Variants in PDE6B observed in about 807,000 individuals in gnomAD.
PDE6B encodes the protein rod cGMP-specific 3',5'-cyclic phosphodiesterase subunit beta.
PDE6B carries 106 observed loss-of-function variants against 109.0 expected under a neutral mutation model. The observed-to-expected ratio is 0.97, with a 90% CI of 0.83 to 1.14. The LOEUF (loss-of-function observed/expected upper bound fraction) is 1.14. Among genes scored for constraint, PDE6B ranks in the 50% most tolerant of loss-of-function variants. The pLI is 0.00. For synonymous variants in PDE6B, 490 were observed against 471.3 expected, an observed-to-expected ratio of 1.04 and a Z score of -0.51; for missense variants, 1,193 against 1,155.6, an observed-to-expected ratio of 1.03 and a Z score of -0.47.
At chr4:653,609 G>A (rs1320482791) in intron 3 of PDE6B, 1 of 603,860 alleles carries the variant, frequency 1.7e-6, no homozygotes, top group Non-Finnish European at 2.9e-6. Flanking sequence ...CCACTCCTGA[G>A]TGATCAGGGA....
At chr4:627,878 C>A (rs1734193578) in intron 1 of PDE6B, among the ~76,000 whole-genome samples, 2 of 152,192 alleles carry the variant, frequency 1.3e-5, no homozygotes, top group South Asian at 4.2e-4. Context: ...CTGATGGTGT[C>A]TCTTCCCTGC....
At chr4:637,791 G>A (rs943712672) in intron 3 of PDE6B, among the ~76,000 whole-genome samples, 8 of 152,176 alleles carry the variant, frequency 5.3e-5, no homozygotes, top group Admixed American at 3.3e-4. Context: ...CATCGCGCTC[G>A]AGCTGACGTC....
rs1335536319 is a variant in PDE6B, at chr4:643,850, G to A, written c.711+7881G>A. 1.3e-5 allele frequency among the ~76,000 whole-genome samples: 2 copies of A among 148,664 alleles called. 1 individual carries two copies. Among genetic ancestry groups the A allele is most frequent in the African/African-American group, 5.0e-5 (2 of 39,884 alleles). On this transcript the variant is annotated intron_variant, in intron 3 of 21. Transcript: ENST00000496514. ...TTCAATACTATAAATTTCCCTCCAA[G>A]CACTGCTTTCCCTGCACCTGACAAA... is the stretch of plus-strand genomic sequence containing the variant.
chr4:657,057 A>G, intron 9 of PDE6B, 34 bp downstream of exon 9: 3 of 1,605,990 alleles, frequency 1.9e-6, no homozygotes, highest in Non-Finnish European at 2.6e-6. Context: ...TCCGCCGGGG[A>G]TGCCCTGCGA....
Position 658,944 on chromosome 4 carries a change from C to T in PDE6B, c.1402-8C>T. The stretch of plus-strand genomic sequence containing the variant: ...TCTTTCTCGTGACACATCTGTGTCT[C>T]TGTGTAGCCAACCAGAGCGCGCCTG... On this transcript the variant is annotated splice_region_variant and splice_polypyrimidine_tract_variant and intron_variant, in intron 10 of 21. Coordinates refer to ENST00000496514, the MANE Select transcript of PDE6B (RefSeq NM_000283.4). 2 of 1,608,504 alleles carry T rather than the reference C, an allele frequency of 1.2e-6. No individual in the cohort carries two copies. Among genetic ancestry groups the T allele is most frequent in the South Asian group, 2.2e-5 (2 of 90,990 alleles).
chr4:670,306 G>A lies in PDE6B; in HGVS notation c.*199G>A, dbSNP rs749756675. The A allele has an allele frequency of 6.0e-5, 41 of 678,022 alleles. No homozygotes were observed. The highest frequency in any genetic ancestry group is 1.4e-4 in the African/African-American group (7 of 51,214). 42.0% of individuals were successfully genotyped at this position (678,022 alleles called of 1,614,324 possible). On this transcript the variant is annotated 3_prime_UTR_variant, in exon 22 of 22. Transcript: ENST00000496514. ...CACCCAGGCTGGAGTGCCGTGGCACGATCTCAGCTCACTGCAACCTCCACC... is the reference window on the plus strand; with the variant it reads ...CACCCAGGCTGGAGTGCCGTGGCACAATCTCAGCTCACTGCAACCTCCACC...
intron 1 of PDE6B, among the ~76,000 whole-genome samples, chr4:630,049 G>T (rs1254797123): frequency 6.6e-6 from 1 of 152,102 alleles, no homozygotes; most frequent in African/African-American, 2.4e-5. Flanking sequence ...AGACCAGCAG[G>T]CAAGGACCCC....
In PDE6B at chr4:636,608, C is replaced by T. The variant is rs1393136548; in HGVS notation, c.711+639C>T. Among the ~76,000 whole-genome samples, 1 of 152,136 alleles carries T rather than the reference C, an allele frequency of 6.6e-6. No homozygotes were observed. Among genetic ancestry groups the T allele is most frequent in the South Asian group, 2.1e-4 (1 of 4,830 alleles). ...AGGCTCTATGTTGGGGCTGGGAAGC[C>T]GTCCATGCAATGGCCTGGGGGCTGA... On this transcript the variant is annotated intron_variant, in intron 3 of 21. Transcript: ENST00000496514. This position sits in a 1 kb window ranked among gnomAD's most constrained non-coding sequence, Gnocchi z 4.5.
rs764605140 is a variant in PDE6B at position 662,584 on chromosome 4, G to A, written c.1798G>A (p.Asp600Asn). ...MVTAGLCHDI[D>N]HRGTNNLYQM... is the part of the protein sequence containing the mutation. ...GACAGCCGGCCTGTGCCATGACATC[G>A]ACCACCGCGGCACCAACAACCTGTA... The change falls in exon 14 of 22, where the codon GAC (aspartate) becomes AAC (asparagine). Residue 600 changes from aspartate to asparagine, a missense_variant. By Grantham distance (23) the Asp-to-Asn change is conservative. Coordinates refer to ENST00000496514, the MANE Select transcript of PDE6B (RefSeq NM_000283.4). The surrounding 1 kb of genome is among the most constrained non-coding windows in gnomAD (Gnocchi z 4.3). The A allele has an allele frequency of 4.1e-5, 66 of 1,612,114 alleles. No homozygotes were observed. The highest frequency in any genetic ancestry group is 7.7e-5 in the South Asian group (7 of 91,058).
rs542348670 is a variant in PDE6B, at chr4:646,316, C to T, written c.712-7536C>T. 2.8e-4 allele frequency among the ~76,000 whole-genome samples: 42 copies of T among 151,996 alleles called. 1 individual carries two copies. Among genetic ancestry groups the T allele is most frequent in the Non-Finnish European group, 5.1e-4 (35 of 68,042 alleles). ...CAATACTTCACTCTCCTCTTGCTCG[C>T]ATCGTTTCTGATGAGATGTTTCCAA... On this transcript the variant is annotated intron_variant, in intron 3 of 21. Coordinates refer to ENST00000496514, the MANE Select transcript of PDE6B (RefSeq NM_000283.4).
In PDE6B at chr4:663,673, T is replaced by G; in HGVS notation, c.1921-97T>G. On this transcript the variant is annotated intron_variant, in intron 15 of 21. Coordinates refer to ENST00000496514, the MANE Select transcript of PDE6B (RefSeq NM_000283.4). This position sits in a 1 kb window ranked among gnomAD's most constrained non-coding sequence, Gnocchi z 4.0. Reference sequence around the variant, plus strand: ...CACCGAGGGCCCGAGGGCGGGGGCGTGAGAGGCACAGGCAGCCGAGGCGGA... The same window carrying G: ...CACCGAGGGCCCGAGGGCGGGGGCGGGAGAGGCACAGGCAGCCGAGGCGGA... The G allele has an allele frequency of 2.3e-6, 2 of 864,326 alleles. No individual in the cohort carries two copies. The highest frequency in any genetic ancestry group is 3.9e-6 in the Non-Finnish European group (2 of 515,934). 53.5% of individuals were successfully genotyped at this position (864,326 alleles called of 1,614,324 possible). A position where few individuals can be genotyped will look rare whatever the true frequency, so the allele number is the denominator to read the frequency against.
chr4:657,288 C>T, intron 9 of PDE6B, 63 bp from the exon 10 acceptor site: 1 of 1,596,378 alleles, frequency 6.3e-7, no homozygotes, highest in Non-Finnish European at 8.6e-7. Context: ...GCCTGGCACA[C>T]AGGCACATGG....
intron 5 of PDE6B, chr4:654,462 CGTGTGTGTGT>C: frequency 3.5e-6 from 2 of 572,972 alleles, no homozygotes; most frequent in Non-Finnish European, 6.3e-6. Context: ...GTGTAGGATG[CGTGTGTGTGT>C]GTGTGTGTGA....
At chr4:664,550 A>G (rs895227507) in intron 17 of PDE6B, among the ~76,000 whole-genome samples, 1 of 152,194 alleles carries the variant, frequency 6.6e-6, no homozygotes, top group Non-Finnish European at 1.5e-5. Context: ...ACCCAGTGAG[A>G]AAATACACAT....
intron 3 of PDE6B, among the ~76,000 whole-genome samples, chr4:642,278 C>T (rs1383353567): frequency 6.6e-6 from 1 of 151,724 alleles, no homozygotes; most frequent in Non-Finnish European, 1.5e-5. Flanking sequence ...TTGAGATCAG[C>T]CTGACCAACA....
chr4:662,237 T>A lies in PDE6B; in HGVS notation c.1718T>A (p.Leu573His). Residue 573 changes from leucine to histidine, a missense_variant, in exon 13 of 22, where the codon CTC becomes CAC. Transcript: ENST00000496514. The surrounding 1 kb of genome is among the most constrained non-coding windows in gnomAD (Gnocchi z 4.3). ...GTGGCCCAGACGATGTTCACGCTGC[T>A]CATGGTACGTGGCTGCCAGAATCAC... is the stretch of plus-strand genomic sequence containing the variant. ...FNVAQTMFTL[L>H]MTGKLKSYYT... is the part of the protein sequence containing the mutation. 1 of 1,530,568 alleles carries A rather than the reference T, an allele frequency of 6.5e-7. No homozygotes were observed. The highest frequency in any genetic ancestry group is 1.4e-5 in the African/African-American group (1 of 73,140). 94.8% of individuals were successfully genotyped at this position (1,530,568 alleles called of 1,614,324 possible). A position where few individuals can be genotyped will look rare whatever the true frequency, so the allele number is the denominator to read the frequency against.
chr4:627,280 G>A (rs1394633089), intron 1 of PDE6B, among the ~76,000 whole-genome samples: 1 of 152,016 alleles, frequency 6.6e-6, no homozygotes, highest in Admixed American at 6.6e-5. Flanking sequence ...TGAGTAGCTA[G>A]GACTAGAGGT....
At chr4:629,356 C>T (rs1035391879) in intron 1 of PDE6B, among the ~76,000 whole-genome samples, 2 of 152,256 alleles carry the variant, frequency 1.3e-5, no homozygotes, top group African/African-American at 4.8e-5. Flanking sequence ...CTGGGATGGA[C>T]GATCCTGGTG....
chr4:649,276 T>A (rs1338226186), intron 3 of PDE6B, among the ~76,000 whole-genome samples: 2 of 152,190 alleles, frequency 1.3e-5, no homozygotes, highest in East Asian at 3.8e-4. Flanking sequence ...ATAATGGCTA[T>A]GTTTAATGGC....
Sources: gnomAD v4.1 joint callset for allele counts (sites outside exome capture counted in the v4.1 genomes callset) on GRCh38, gnomAD v4.1.1 for gene constraint, Gnocchi (gnomAD v3.1) non-coding constraint, MANE v1.5 for transcripts, NCBI Gene and HGNC (gene_info 2026-07-23, HGNC 2026-07-21) for gene names.